The following NRCAM variants were observed in gnomAD, a reference collection of about 807,000 sequenced individuals.
The protein encoded by NRCAM is NgCAM-related cell adhesion molecule.
Under a neutral mutation model 156.5 loss-of-function variants are expected in NRCAM, and 83 were observed. The ratio of observed to expected loss-of-function variants is 0.53; its 90% CI spans 0.44 to 0.64. The LOEUF (loss-of-function observed/expected upper bound fraction) is 0.64, where lower values mean the gene tolerates loss of function less well. Among genes scored for constraint, NRCAM ranks in the 30% least tolerant of loss-of-function variants. The pLI, the probability that NRCAM is intolerant of heterozygous loss-of-function variation, is 0.00. For missense variants in NRCAM, 1,417 were observed against 1,597.3 expected, an observed-to-expected ratio of 0.89 and a Z score of 1.92; for synonymous variants, 538 against 563.9, an observed-to-expected ratio of 0.95 and a Z score of 0.65.
At chr7:108,417,546 G>A (rs1273307869) in intron 1 of NRCAM, among the ~76,000 whole-genome samples, 1 of 152,170 alleles carries the variant, frequency 6.6e-6, no homozygotes. Context: ...TTTTGGAGGG[G>A]ACAAACATCC....
At position 108,400,089 on chromosome 7, in the gene NRCAM, T is replaced by G. The variant is rs73422174; in HGVS notation, c.-331-496A>C. ...GAACTCAGCAATGCAATTAGTATTT[T>G]AGAGGTGGCTTTGAAGGCGGTAAGA... is the stretch of plus-strand genomic sequence containing the variant. On this transcript the variant is annotated intron_variant, in intron 1 of 32. Coordinates refer to ENST00000379028, the MANE Select transcript of NRCAM (RefSeq NM_001037132.4). Among the ~76,000 whole-genome samples the G allele has an allele frequency of 1.2e-3, 187 of 152,290 alleles. 2 individuals carry two copies. Among genetic ancestry groups the G allele is most frequent in the African/African-American group, 4.3e-3 (177 of 41,552 alleles).
intron 2 of NRCAM, among the ~76,000 whole-genome samples, chr7:108,393,934 C>T (rs866808985): frequency 2.4e-4 from 37 of 152,172 alleles, no homozygotes; most frequent in African/African-American, 8.2e-4. Flanking sequence ...GATCTGCAGG[C>T]AGGATTTTTA....
intron 12 of NRCAM, 97 bp downstream of exon 12, chr7:108,209,324 T>G (rs2082835407): frequency 1.2e-6 from 1 of 830,340 alleles, no homozygotes. Flanking sequence ...GACATAACTT[T>G]ACATTTACCA....
intron 3 of NRCAM, among the ~76,000 whole-genome samples, chr7:108,262,942 C>T (rs1341714763): frequency 1.3e-5 from 2 of 152,348 alleles, no homozygotes; most frequent in Middle Eastern, 3.4e-3. Context: ...TTCCTTCACT[C>T]TAGGCAGAAG....
At chr7:108,352,138 T>C (rs10487851) in intron 2 of NRCAM, among the ~76,000 whole-genome samples, 38,633 of 152,150 alleles carry the variant, frequency 0.25, 5,426 homozygotes, top group Middle Eastern at 0.32. Context: ...TGACCTGAGA[T>C]GACTTATTTC....
intron 20 of NRCAM, 147 bp downstream of exon 20, chr7:108,189,498 A>C (rs2069669741): frequency 3.4e-6 from 2 of 588,034 alleles, no homozygotes; most frequent in Admixed American, 6.9e-5. Flanking sequence ...GAAGAGAGGA[A>C]GGACATAAAT....
intron 2 of NRCAM, among the ~76,000 whole-genome samples, chr7:108,339,682 G>A (rs1269341884): frequency 6.6e-6 from 1 of 152,176 alleles, no homozygotes; most frequent in Non-Finnish European, 1.5e-5. Flanking sequence ...ATAAGCAGAG[G>A]TCCATGGGTG....
intron 28 of NRCAM, among the ~76,000 whole-genome samples, chr7:108,172,159 G>A (rs1586223432): frequency 6.6e-6 from 1 of 152,180 alleles, no homozygotes; most frequent in Non-Finnish European, 1.5e-5. Flanking sequence ...AATGGATATG[G>A]CATTGTGGAT....
chr7:108,315,334 G>GTAAGCCA (rs2098896151), intron 2 of NRCAM, among the ~76,000 whole-genome samples: 1 of 151,452 alleles, frequency 6.6e-6, no homozygotes, highest in Non-Finnish European at 1.5e-5. Flanking sequence ...ATACTTAACT[G>GTAAGCCA]GAGAAAAAAG....
chr7:108,156,386 C>A, intron 32 of NRCAM: 1 of 984,132 alleles, frequency 1.0e-6, no homozygotes, highest in South Asian at 4.7e-5. Flanking sequence ...AAAATACTTA[C>A]ACTCTTGGTT....
chr7:108,208,945 G>A (rs1468032862), intron 12 of NRCAM, among the ~76,000 whole-genome samples: 1 of 152,094 alleles, frequency 6.6e-6, no homozygotes, highest in Non-Finnish European at 1.5e-5. Context: ...CTGTTCATTA[G>A]TGTCCAGCAT....
chr7:108,286,692 T>C (rs2098114565), intron 3 of NRCAM, among the ~76,000 whole-genome samples: 2 of 152,128 alleles, frequency 1.3e-5, no homozygotes, highest in African/African-American at 2.4e-5. Flanking sequence ...AGAACCATAA[T>C]TCAGACACGA....
At chr7:108,404,734 T>A (rs576861875) in intron 1 of NRCAM, among the ~76,000 whole-genome samples, 5 of 152,126 alleles carry the variant, frequency 3.3e-5, no homozygotes, top group Non-Finnish European at 7.3e-5. Flanking sequence ...ATGAGAAAAC[T>A]GAGGCACAGA....
At chr7:108,154,517 C>T (rs2151063704) in intron 32 of NRCAM, among the ~76,000 whole-genome samples, 1 of 151,910 alleles carries the variant, frequency 6.6e-6, no homozygotes, top group Non-Finnish European at 1.5e-5. Flanking sequence ...AACATCCATT[C>T]ACGCCAGCTT....
rs75485031 is a variant in NRCAM, at chr7:108,166,168, A to C, written c.3466+753T>G. ...TCCATACAAATGTAATAATATCTGT[A>C]TCAGTTGTCTAAGCTGACTGCAGGG... On this transcript the variant is annotated intron_variant, in intron 30 of 32. Transcript: ENST00000379028. Among the ~76,000 whole-genome samples the C allele has an allele frequency of 1.1e-4, 16 of 152,242 alleles. No homozygotes were observed. The East Asian group carries it at 3.1e-3, about 29-fold the overall frequency.
chr7:108,350,374 C>T (rs2099403072), intron 2 of NRCAM, among the ~76,000 whole-genome samples: 1 of 152,180 alleles, frequency 6.6e-6, no homozygotes, highest in Admixed American at 6.5e-5. Flanking sequence ...CTTTACTCAT[C>T]AGGTTTTCCT....
At chr7:108,239,759 G>T (rs1037448131) in intron 4 of NRCAM, among the ~76,000 whole-genome samples, 200 bp downstream of exon 4, 1 of 152,210 alleles carries the variant, frequency 6.6e-6, no homozygotes, top group Non-Finnish European at 1.5e-5. Flanking sequence ...GGAGGGAATT[G>T]TGAGTCTGAC....
chr7:108,323,732 A>C (rs1314571358), intron 2 of NRCAM, among the ~76,000 whole-genome samples: 1 of 152,198 alleles, frequency 6.6e-6, no homozygotes, highest in African/African-American at 2.4e-5. Context: ...AATTAAAATA[A>C]GTAAACAAAT....
intron 13 of NRCAM, among the ~76,000 whole-genome samples, chr7:108,206,445 C>A (rs2081197153): frequency 6.6e-6 from 1 of 152,112 alleles, no homozygotes; most frequent in Non-Finnish European, 1.5e-5. Context: ...GTAAAGAATA[C>A]CTTTGCAGGT....
Sources: gnomAD v4.1 joint callset for allele counts (sites outside exome capture counted in the v4.1 genomes callset) on GRCh38, gnomAD v4.1.1 for gene constraint, MANE v1.5 for transcripts, NCBI Gene and HGNC (gene_info 2026-07-23, HGNC 2026-07-21) for gene names.